Variants in RNF38 observed in about 807,000 individuals in gnomAD.
The protein encoded by RNF38 is E3 ubiquitin-protein ligase RNF38.
A neutral mutation model predicts 67.2 loss-of-function variants in RNF38; 15 were observed. The ratio of observed to expected loss-of-function variants is 0.22; its 90% CI spans 0.15 to 0.34. The LOEUF is 0.34. Among genes scored for constraint, RNF38 ranks in the 10% least tolerant of loss-of-function variants. The probability of loss-of-function intolerance (pLI) is 1.00; values close to 1 mark genes in which losing one functional copy is unlikely to be tolerated. For missense variants in RNF38, 524 were observed against 639.9 expected, an observed-to-expected ratio of 0.82 and a Z score of 1.95; for synonymous variants, 220 against 218.8, an observed-to-expected ratio of 1.01 and a Z score of -0.05.
intron 2 of RNF38, among the ~76,000 whole-genome samples, chr9:36,384,907 G>A (rs765556585): frequency 2.0e-5 from 3 of 152,236 alleles, no homozygotes; most frequent in Non-Finnish European, 2.9e-5. Flanking sequence ...TGCAGTGGTG[G>A]TTCAAGAAGT....
intron 1 of RNF38, among the ~76,000 whole-genome samples, chr9:36,457,375 A>G (rs1029448533): frequency 6.6e-6 from 1 of 152,244 alleles, no homozygotes; most frequent in African/African-American, 2.4e-5. Context: ...TTGGCAATTA[A>G]TCTATTAATT....
chr9:36,389,384 A>G (rs1296088580), intron 2 of RNF38, among the ~76,000 whole-genome samples: 1 of 151,952 alleles, frequency 6.6e-6, no homozygotes, highest in Admixed American at 6.6e-5. Context: ...TGGCAGTATT[A>G]AGGGTATTAA....
intron 1 of RNF38, among the ~76,000 whole-genome samples, chr9:36,475,889 G>A (rs1403075922): frequency 2.7e-5 from 4 of 150,470 alleles, no homozygotes; most frequent in Admixed American, 1.3e-4. Context: ...GGTGGCTGTA[G>A]TCCCAGCTAC....
chr9:36,428,412 CAA>C (rs778711781), intron 1 of RNF38, among the ~76,000 whole-genome samples: 6 of 125,316 alleles, frequency 4.8e-5, no homozygotes, highest in Non-Finnish European at 1.7e-5. Flanking sequence ...GACCCTGTCT[CAA>C]AAAAAAAAAA....
intron 1 of RNF38, among the ~76,000 whole-genome samples, chr9:36,460,929 G>A (rs928069877): frequency 6.8e-6 from 1 of 148,038 alleles, no homozygotes; most frequent in Non-Finnish European, 1.5e-5. Context: ...GAAAAAAAAG[G>A]AGGCTGGTCG....
At chr9:36,441,881 T>C (rs1164217800) in intron 1 of RNF38, among the ~76,000 whole-genome samples, 1 of 152,200 alleles carries the variant, frequency 6.6e-6, no homozygotes, top group Non-Finnish European at 1.5e-5. Context: ...CTAAGAAAGA[T>C]TATTTTCTAG....
intron 1 of RNF38, among the ~76,000 whole-genome samples, chr9:36,393,521 GT>G (rs1406248180): frequency 3.5e-4 from 44 of 124,822 alleles, no homozygotes; most frequent in African/African-American, 1.2e-3. Flanking sequence ...GTGTGTGTGT[GT>G]GGGGCAGGCA....
At chr9:36,368,190 A>T (rs1433784724) in intron 4 of RNF38, among the ~76,000 whole-genome samples, 1 of 152,146 alleles carries the variant, frequency 6.6e-6, no homozygotes, top group Non-Finnish European at 1.5e-5. Context: ...GGATTTTGTT[A>T]TGCTTTTATA....
chr9:36,468,680 C>T (rs969331966), intron 1 of RNF38, among the ~76,000 whole-genome samples: 1 of 151,910 alleles, frequency 6.6e-6, no homozygotes, highest in Non-Finnish European at 1.5e-5. Flanking sequence ...GGTGTGGTGG[C>T]GGGTGCCTGT....
chr9:36,414,638 A>G (rs566628687), intron 2 of RNF38, among the ~76,000 whole-genome samples: 146 of 150,746 alleles, frequency 9.7e-4, no homozygotes, highest in African/African-American at 3.3e-3. Flanking sequence ...GTGAGCCGGG[A>G]TCGCACCATT....
intron 4 of RNF38, among the ~76,000 whole-genome samples, chr9:36,359,215 T>C (rs1834340957): frequency 1.3e-5 from 2 of 152,112 alleles, no homozygotes; most frequent in African/African-American, 4.8e-5. Flanking sequence ...GAAAATATTT[T>C]CCTAGTCTAT....
chr9:36,341,901 C>T (rs576697864), intron 11 of RNF38, among the ~76,000 whole-genome samples: 3 of 93,444 alleles, frequency 3.2e-5, no homozygotes, highest in South Asian at 3.5e-4. Flanking sequence ...TCTGGCATAG[C>T]CACTCTTAGG....
chr9:36,385,066 T>C (rs766773825), intron 2 of RNF38, among the ~76,000 whole-genome samples: 2 of 152,118 alleles, frequency 1.3e-5, no homozygotes, highest in African/African-American at 2.4e-5. Flanking sequence ...TTCTATGCTA[T>C]GGTAGGTTGG....
intron 1 of RNF38, among the ~76,000 whole-genome samples, chr9:36,430,270 G>C (rs932889892): frequency 2.0e-5 from 3 of 152,042 alleles, no homozygotes; most frequent in African/African-American, 4.8e-5. Flanking sequence ...GCAATGGCGC[G>C]ATCTCAGCTC....
intron 2 of RNF38, among the ~76,000 whole-genome samples, chr9:36,384,629 T>C (rs546084622): frequency 6.6e-6 from 1 of 152,250 alleles, no homozygotes; most frequent in Non-Finnish European, 1.5e-5. Context: ...TTATGCAGTG[T>C]TGGAATTTGC....
At chr9:36,407,006 A>AC (rs1255976855) in intron 2 of RNF38, among the ~76,000 whole-genome samples, 3 of 150,036 alleles carry the variant, frequency 2.0e-5, no homozygotes, top group African/African-American at 7.6e-5. Context: ...CACCAAAAAT[A>AC]CAAAAAAAAC....
At chr9:36,394,232 G>A (rs1313865346) in intron 1 of RNF38, among the ~76,000 whole-genome samples, 1 of 151,624 alleles carries the variant, frequency 6.6e-6, no homozygotes, top group African/African-American at 2.4e-5. Context: ...CCAAGATCGT[G>A]CCACTGCACT....
At chr9:36,404,987 T>C (rs1369376355), upstream of RNF38, among the ~76,000 whole-genome samples, 7 of 152,064 alleles carry the variant, frequency 4.6e-5, no homozygotes, top group Admixed American at 3.9e-4. Context: ...AATTTATACA[T>C]GGGCCAGGTG....
intron 11 of RNF38, among the ~76,000 whole-genome samples, chr9:36,341,984 G>A (rs1324844922): frequency 6.6e-6 from 1 of 151,936 alleles, no homozygotes; most frequent in East Asian, 1.9e-4. Flanking sequence ...AACACTAGAT[G>A]TATTTTTCTC....
Sources: allele counts gnomAD v4.1 joint callset (sites outside exome capture counted in the v4.1 genomes callset), GRCh38; gene constraint gnomAD v4.1.1; transcripts MANE v1.5; gene names NCBI Gene and HGNC (gene_info 2026-07-23, HGNC 2026-07-21).